Variants in PPP4R3B observed in about 807,000 individuals in gnomAD.
PPP4R3B encodes serine/threonine-protein phosphatase 4 regulatory subunit 3B.
In PPP4R3B, 52 loss-of-function variants were observed where a neutral mutation model predicts 95.4. The observed-to-expected ratio is 0.54, with a 90% CI of 0.44 to 0.69. The LOEUF (loss-of-function observed/expected upper bound fraction) is 0.69. Among genes scored for constraint, PPP4R3B ranks in the 30% least tolerant of loss-of-function variants. The pLI is 0.00. For missense variants in PPP4R3B, 1,003 were observed against 1,005.9 expected, an observed-to-expected ratio of 1.00 and a Z score of 0.04; for synonymous variants, 407 against 343.9, an observed-to-expected ratio of 1.18 and a Z score of -2.03.
At chr2:55,603,496 G>C (rs183152395) in intron 3 of PPP4R3B, among the ~76,000 whole-genome samples, 9 of 151,964 alleles carry the variant, frequency 5.9e-5, no homozygotes, top group Admixed American at 3.9e-4. Flanking sequence ...AAAACAAAAG[G>C]TTTCTTTTAA....
chr2:55,586,710 C>T lies in PPP4R3B; in HGVS notation c.1024G>A (p.Ala342Thr), dbSNP rs1463216082. Residue 342 changes from alanine (A) to threonine (T), a missense_variant, in exon 6 of 17, where the codon GCA (alanine) becomes ACA (threonine). This residue lies in a region of PPP4R3B where 695 missense variants were observed against 686.2 expected (regional missense o/e 1.01). Coordinates refer to ENST00000616407, the MANE Select transcript of PPP4R3B (RefSeq NM_001122964.3). ...TGAGGTTGTAATGTCTGAGAAAATG[C>T]ACAAAACTCCTTGAAAAAATTAACC... is the stretch of plus-strand genomic sequence containing the variant. ...ELVNFFKEFC[A>T]FSQTLQPQNR... is the part of the protein sequence containing the mutation. 2.5e-6 allele frequency: 4 copies of T among 1,598,858 alleles called. No homozygotes were observed. Among genetic ancestry groups the T allele is most frequent in the Non-Finnish European group, 2.6e-6 (3 of 1,174,436 alleles).
At chr2:55,574,178 C>T (rs955662449) in intron 11 of PPP4R3B, among the ~76,000 whole-genome samples, 1 of 151,700 alleles carries the variant, frequency 6.6e-6, no homozygotes, top group Non-Finnish European at 1.5e-5. Context: ...CAAGTGTAAG[C>T]CCCTGCACCT....
intron 11 of PPP4R3B, among the ~76,000 whole-genome samples, chr2:55,575,514 C>T (rs149462874): frequency 4.3e-4 from 66 of 152,208 alleles, no homozygotes; most frequent in African/African-American, 1.4e-3. Context: ...GGTGCAATTT[C>T]GGCTCAATGC....
rs987374688 is a variant in PPP4R3B, at chr2:55,555,640, C to A, written c.2454+3135G>T. Among the ~76,000 whole-genome samples the A allele has an allele frequency of 3.9e-5, 6 of 152,198 alleles. No individual in the cohort carries two copies. In the East Asian group the frequency reaches 1.2e-3, roughly 29 times the overall value. On this transcript the variant is annotated intron_variant, in intron 16 of 16. Transcript: ENST00000616407. ...TGCACATTCTATACAGAAATACACA[C>A]GTATATGAAATGATATATGCAAGTG...
At chr2:55,566,584 T>C (rs576923434) in intron 13 of PPP4R3B, among the ~76,000 whole-genome samples, 6 of 152,356 alleles carry the variant, frequency 3.9e-5, no homozygotes, top group African/African-American at 1.4e-4. Context: ...TACTTGGCAA[T>C]TGACCACTTT....
At chr2:55,560,509 T>G (rs1686446529) in intron 15 of PPP4R3B, among the ~76,000 whole-genome samples, 1 of 152,182 alleles carries the variant, frequency 6.6e-6, no homozygotes, top group South Asian at 2.1e-4. Flanking sequence ...CTGGGCACAG[T>G]GGCTCATGCC....
chr2:55,556,727 T>A (rs1685892376), intron 16 of PPP4R3B, among the ~76,000 whole-genome samples: 1 of 152,160 alleles, frequency 6.6e-6, no homozygotes, highest in Non-Finnish European at 1.5e-5. Context: ...TAATTTAATC[T>A]TCCCAACAAG....
intron 2 of PPP4R3B, 46 bp from the exon 3 acceptor site, chr2:55,604,122 T>C (rs1326076495): frequency 2.1e-6 from 3 of 1,451,246 alleles, no homozygotes; most frequent in Non-Finnish European, 2.8e-6. Flanking sequence ...AGAAAAGAGG[T>C]ATCTACAAAG....
At chr2:55,573,566 C>T in intron 12 of PPP4R3B, 53 bp downstream of exon 12, 1 of 1,462,536 alleles carries the variant, frequency 6.8e-7, no homozygotes, top group East Asian at 2.6e-5. Flanking sequence ...AAATGGGTAA[C>T]TTCAGTTTTA....
rs372423262 is a variant in PPP4R3B at position 55,555,278 on chromosome 2, T to TAAAAA, written c.2454+3492_2454+3496dup. 3.7e-5 allele frequency among the ~76,000 whole-genome samples: 4 copies of TAAAAA among 108,868 alleles called. 1 individual carries two copies. The highest frequency in any genetic ancestry group is 3.0e-4 in the South Asian group (1 of 3,288). The allele number at this position is 108,868 out of a possible 152,430, so 71.4% of individuals were successfully genotyped here. ...CTGGGCAACAGAACAAGACTCCGTC[T>TAAAAA]AAAAAAAAAAAAAAAAAAAGAAAGA... On this transcript the variant is annotated intron_variant, in intron 16 of 16. Transcript: ENST00000616407.
chr2:55,607,478 T>C (rs1054636884), intron 2 of PPP4R3B, among the ~76,000 whole-genome samples: 1 of 152,236 alleles, frequency 6.6e-6, no homozygotes, highest in Admixed American at 6.5e-5. Context: ...GAAACAGTTA[T>C]ATCTACCAGT....
intron 2 of PPP4R3B, among the ~76,000 whole-genome samples, chr2:55,606,714 T>A (rs879502942): frequency 8.0e-5 from 12 of 150,266 alleles, no homozygotes; most frequent in Non-Finnish European, 1.6e-4. Context: ...TCCCAACTAC[T>A]CGGGAGGCTG....
intron 4 of PPP4R3B, chr2:55,591,440 G>C (rs1260245886): frequency 4.2e-5 from 35 of 836,058 alleles, no homozygotes; most frequent in Non-Finnish European, 4.9e-5. Flanking sequence ...ACCATGCCCA[G>C]CCTACTTTTT....
rs1687005675 is a variant in PPP4R3B, at chr2:55,564,331, A to G, written c.2242T>C (p.Phe748Leu). The G allele has an allele frequency of 6.2e-7, 1 of 1,613,156 alleles. No individual in the cohort carries two copies. Among genetic ancestry groups the G allele is most frequent in the Admixed American group, 1.7e-5 (1 of 59,836 alleles). Residue 748 changes from phenylalanine to leucine, a missense_variant, in exon 15 of 17, where the codon TTT becomes CTT. Phe to Leu is a conservative substitution (Grantham distance 22). Coordinates refer to ENST00000616407, the MANE Select transcript of PPP4R3B (RefSeq NM_001122964.3). ...EDDFPDNYEK[F>L]METKKAKESE... ...TTAATACCTTTTTTAGTCTCCATAA[A>G]CTTTTCATAATTATCTGGAAAATCA...
At position 55,547,643 on chromosome 2, in the gene PPP4R3B, T is replaced by G. The variant is rs548542822; in HGVS notation, c.*2268A>C. 1 of 152,226 alleles carries G rather than the reference T, an allele frequency of 6.6e-6. No homozygotes were observed. The highest frequency in any genetic ancestry group is 1.5e-5 in the Non-Finnish European group (1 of 68,014). The allele number at this position is 152,226 out of a possible 1,614,324, so 9.4% of individuals were successfully genotyped here. ...AATGTTTAAGACTTATGGCAGCTCT[T>G]CAGAAAGAAAAAGGAAGTCTTCATA... is the stretch of plus-strand genomic sequence containing the variant. On this transcript the variant is annotated 3_prime_UTR_variant, in exon 17 of 17. Transcript: ENST00000616407.
chr2:55,598,747 A>G lies in PPP4R3B; in HGVS notation c.590T>C (p.Ile197Thr), dbSNP rs1559032857. Residue 197 changes from isoleucine to threonine, a missense_variant, in exon 4 of 17, where the codon ATT becomes ACT. Physicochemically the swap from Ile to Thr is moderately conservative, Grantham distance 89 (BLOSUM62 -1). This residue lies in a region of PPP4R3B where 695 missense variants were observed against 686.2 expected (regional missense o/e 1.01). Coordinates refer to ENST00000616407, the MANE Select transcript of PPP4R3B (RefSeq NM_001122964.3). ...NTEGLHHLYE[I>T]IRGILFLNKA... ...ATTTAGGAATAAGATTCCTCTAATA[A>G]TTTCATACAAATGGTGTAAGCCTTC... The G allele has an allele frequency of 6.2e-7, 1 of 1,614,246 alleles. No homozygotes were observed. The highest frequency in any genetic ancestry group is 8.5e-7 in the Non-Finnish European group (1 of 1,180,034).
intron 16 of PPP4R3B, 82 bp from the exon 17 acceptor site, chr2:55,550,088 A>C (rs1177374683): frequency 1.1e-6 from 1 of 871,042 alleles, no homozygotes; most frequent in East Asian, 2.7e-5. Context: ...ACTTGTAAAA[A>C]TATCAGAAAT....
At chr2:55,592,107 T>C (rs537921423) in intron 4 of PPP4R3B, among the ~76,000 whole-genome samples, 8 of 152,192 alleles carry the variant, frequency 5.3e-5, no homozygotes, top group Non-Finnish European at 8.8e-5. Flanking sequence ...TGCAGTAATA[T>C]AAATACAGGC....
chr2:55,595,149 G>C (rs911422204), intron 4 of PPP4R3B, among the ~76,000 whole-genome samples: 2 of 151,380 alleles, frequency 1.3e-5, no homozygotes, highest in African/African-American at 4.9e-5. Flanking sequence ...TCAGCTTCCT[G>C]AGTAGCTGGG....
Sources: allele counts gnomAD v4.1 joint callset (sites outside exome capture counted in the v4.1 genomes callset), GRCh38; gene constraint gnomAD v4.1.1; regional missense constraint gnomAD v4.1.1; transcripts MANE v1.5; gene names NCBI Gene and HGNC (gene_info 2026-07-23, HGNC 2026-07-21).